The following NT5DC1 variants were observed in gnomAD, a reference collection of about 807,000 sequenced individuals.
NT5DC1 encodes the protein 5'-nucleotidase domain containing 1.
Under a neutral mutation model 59.4 loss-of-function variants are expected in NT5DC1, and 42 were observed. The ratio of observed to expected loss-of-function variants is 0.71; its 90% CI spans 0.55 to 0.92. The LOEUF is 0.92. Ranked by LOEUF, NT5DC1 falls within the 40% of genes least tolerant of loss-of-function variation. NT5DC1 has a pLI of 0.00. For missense variants in NT5DC1, 501 were observed against 537.1 expected, an observed-to-expected ratio of 0.93 and a Z score of 0.66; for synonymous variants, 172 against 188.1, an observed-to-expected ratio of 0.91 and a Z score of 0.70.
At chr6:116,180,922 A>G (rs1780859195) in intron 6 of NT5DC1, among the ~76,000 whole-genome samples, 2 of 152,056 alleles carry the variant, frequency 1.3e-5, no homozygotes, top group Non-Finnish European at 1.5e-5. Flanking sequence ...TGCTGGTGAC[A>G]TTTTCAACAC....
At chr6:116,145,992 A>C (rs890023077) in intron 6 of NT5DC1, among the ~76,000 whole-genome samples, 1 of 152,176 alleles carries the variant, frequency 6.6e-6, no homozygotes, top group Non-Finnish European at 1.5e-5. Context: ...ATCTTTCCTT[A>C]CTTACTTCTG....
At chr6:116,187,132 C>T (rs1342900307) in intron 6 of NT5DC1, among the ~76,000 whole-genome samples, 1 of 152,002 alleles carries the variant, frequency 6.6e-6, no homozygotes, top group Non-Finnish European at 1.5e-5. Context: ...GCTATTTCTC[C>T]TCTGAATCTA....
At chr6:116,115,875 T>G in intron 5 of NT5DC1, 105 bp downstream of exon 5, 1 of 565,376 alleles carries the variant, frequency 1.8e-6, no homozygotes, top group Non-Finnish European at 3.2e-6. Flanking sequence ...AGTTTCTTCT[T>G]TGTGGTTTCA....
At chr6:116,200,001 G>T (rs114094955) in intron 6 of NT5DC1, among the ~76,000 whole-genome samples, 29,550 of 149,912 alleles carry the variant, frequency 0.2, 3,850 homozygotes, top group Middle Eastern at 0.34. Context: ...ATGGAAAGTG[G>T]GGGGGGAAGA....
At chr6:116,211,992 T>C (rs1431913707) in intron 6 of NT5DC1, among the ~76,000 whole-genome samples, 1 of 152,046 alleles carries the variant, frequency 6.6e-6, no homozygotes, top group Non-Finnish European at 1.5e-5. Flanking sequence ...GAACCCAGGC[T>C]TAGGGCATTA....
intron 6 of NT5DC1, among the ~76,000 whole-genome samples, chr6:116,148,161 G>A (rs1480890339): frequency 3.9e-5 from 6 of 152,098 alleles, no homozygotes; most frequent in Non-Finnish European, 8.8e-5. Flanking sequence ...CCTTGTATAA[G>A]GATAGACAAA....
chr6:116,176,529 C>T (rs1230048536), intron 6 of NT5DC1, among the ~76,000 whole-genome samples: 1 of 152,132 alleles, frequency 6.6e-6, no homozygotes, highest in Non-Finnish European at 1.5e-5. Flanking sequence ...TTTTCTGCCC[C>T]TCTTAGAGCA....
intron 6 of NT5DC1, among the ~76,000 whole-genome samples, chr6:116,163,612 A>G (rs531217558): frequency 8.6e-5 from 13 of 152,024 alleles, no homozygotes; most frequent in South Asian, 4.2e-4. Flanking sequence ...TTTAGTCTCA[A>G]TTGTATTTAG....
At chr6:116,181,982 T>C (rs1780882954) in intron 6 of NT5DC1, among the ~76,000 whole-genome samples, 1 of 152,122 alleles carries the variant, frequency 6.6e-6, no homozygotes, top group African/African-American at 2.4e-5. Context: ...CTGAGCAGTG[T>C]ACACTATACC....
At chr6:116,184,531 G>T (rs1028815345) in intron 6 of NT5DC1, among the ~76,000 whole-genome samples, 3 of 151,812 alleles carry the variant, frequency 2.0e-5, no homozygotes, top group Non-Finnish European at 4.4e-5. Context: ...TTTTTTTGTT[G>T]GTAACTTTTT....
At chr6:116,220,618 C>G (rs1781780192) in intron 6 of NT5DC1, among the ~76,000 whole-genome samples, 1 of 152,160 alleles carries the variant, frequency 6.6e-6, no homozygotes. Flanking sequence ...CCCTTCTTGG[C>G]TATTTATGCA....
intron 6 of NT5DC1, among the ~76,000 whole-genome samples, chr6:116,209,543 CATTG>C (rs1231287663): frequency 1.3e-5 from 2 of 151,986 alleles, no homozygotes; most frequent in African/African-American, 4.8e-5. Flanking sequence ...TGAATGCCAT[CATTG>C]ATGTGCAGAG....
intron 8 of NT5DC1, among the ~76,000 whole-genome samples, chr6:116,235,137 G>T (rs1303753537): frequency 6.7e-6 from 1 of 149,002 alleles, no homozygotes; most frequent in African/African-American, 2.5e-5. Flanking sequence ...GTAGTAGAAA[G>T]ATTCTCTTCC....
chr6:116,159,512 G>T (rs946575218), intron 6 of NT5DC1, among the ~76,000 whole-genome samples: 6 of 151,992 alleles, frequency 3.9e-5, no homozygotes, highest in African/African-American at 1.5e-4. Context: ...TATATCTGTC[G>T]GGTATTCTGG....
At position 116,143,567 on chromosome 6, in the gene NT5DC1, C is replaced by T. The variant is rs992114003; in HGVS notation, c.529+25622C>T. On this transcript the variant is annotated intron_variant, in intron 6 of 11. Transcript: ENST00000319550. ...GTTGAATTTGTTCTACTACTTAAAA[C>T]TTTTTTTAATCCTATGAAAATTTCC... 2.6e-5 allele frequency among the ~76,000 whole-genome samples: 4 copies of T among 152,182 alleles called. No homozygotes were observed. The South Asian group carries it at 6.2e-4, about 24-fold the overall frequency.
At chr6:116,178,015 C>G (rs1428416361) in intron 6 of NT5DC1, among the ~76,000 whole-genome samples, 1 of 147,906 alleles carries the variant, frequency 6.8e-6, no homozygotes, top group Admixed American at 6.8e-5. Flanking sequence ...ATTGTTTTAT[C>G]CTGTATGTCT....
At chr6:116,134,454 T>C (rs370659679) in intron 6 of NT5DC1, among the ~76,000 whole-genome samples, 30 of 152,346 alleles carry the variant, frequency 2.0e-4, no homozygotes, top group African/African-American at 7.2e-4. Flanking sequence ...TTATTTATTA[T>C]TGAAAATCCA....
intron 8 of NT5DC1, among the ~76,000 whole-genome samples, chr6:116,228,580 C>T (rs1407571052): frequency 3.3e-5 from 5 of 151,958 alleles, no homozygotes; most frequent in Non-Finnish European, 5.9e-5. Context: ...AGGTTCTTTC[C>T]AGCCCTTGTT....
chr6:116,204,260 A>G lies in NT5DC1; in HGVS notation c.530-16794A>G, dbSNP rs191891700. On this transcript the variant is annotated intron_variant, in intron 6 of 11. Transcript: ENST00000319550. Reference sequence around the variant, plus strand: ...AAAGTAACTTCATAAATAGCCCTCAATTTACTCAGTTGAATACAACAAATT... The same window carrying G: ...AAAGTAACTTCATAAATAGCCCTCAGTTTACTCAGTTGAATACAACAAATT... 3.4e-3 allele frequency among the ~76,000 whole-genome samples: 512 copies of G among 152,074 alleles called. 15 individuals carry two copies. The South Asian group carries it at 0.047, about 14-fold the overall frequency.
Sources: allele counts gnomAD v4.1 joint callset (sites outside exome capture counted in the v4.1 genomes callset), GRCh38; gene constraint gnomAD v4.1.1; transcripts MANE v1.5; gene names NCBI Gene and HGNC (gene_info 2026-07-23, HGNC 2026-07-21).